ZMYND11: variants seen among roughly 807,000 people sequenced by gnomAD.
ZMYND11 encodes the protein zinc finger MYND-type containing 11, also known as zinc finger MYND domain-containing protein 11.
ZMYND11 carries 9 observed loss-of-function variants against 84.9 expected under a neutral mutation model. The observed-to-expected ratio is 0.11, with a 90% confidence interval of 0.06 to 0.18. The LOEUF is 0.18. ZMYND11 is among the 10% of genes least tolerant of loss of function. ZMYND11 has a pLI of 1.00. For synonymous variants in ZMYND11, 250 were observed against 244.1 expected (o/e 1.02, Z -0.23); for missense variants, 409 against 761.0 (o/e 0.54, Z 5.44).
intron 2 of ZMYND11, among the ~76,000 whole-genome samples, chr10:180,404 G>T (rs867290770): frequency 1.3e-5 from 2 of 151,950 alleles, no homozygotes; most frequent in African/African-American, 4.8e-5. Context: ...TCTATTTATT[G>T]ATTTATTTAT....
intron 1 of ZMYND11, 123 bp from the exon 2 acceptor site, chr10:179,871 G>C: frequency 4.0e-6 from 2 of 499,918 alleles, no homozygotes; most frequent in Non-Finnish European, 7.0e-6. Flanking sequence ...AAAATAGAAA[G>C]TGGGCAATAC....
chr10:154,251 T>C (rs1324357530), intron 1 of ZMYND11, among the ~76,000 whole-genome samples: 3 of 152,220 alleles, frequency 2.0e-5, no homozygotes, highest in South Asian at 2.1e-4. Context: ...CCAGTAGCAC[T>C]ATAATTCATA....
intron 1 of ZMYND11, among the ~76,000 whole-genome samples, chr10:152,157 C>G (rs1478686253): frequency 6.6e-6 from 1 of 152,192 alleles, no homozygotes; most frequent in African/African-American, 2.4e-5. Context: ...ACTGCATTAA[C>G]TAATAAGCAA....
chr10:152,623 A>G (rs1168663644), intron 1 of ZMYND11, among the ~76,000 whole-genome samples: 1 of 152,196 alleles, frequency 6.6e-6, no homozygotes, highest in Non-Finnish European at 1.5e-5. Context: ...GGAGACTTTA[A>G]CACCCCAGTG....
chr10:251,487 C>T (rs901210150), intron 14 of ZMYND11, among the ~76,000 whole-genome samples: 2 of 152,178 alleles, frequency 1.3e-5, no homozygotes, highest in Non-Finnish European at 1.5e-5. Context: ...GGTTCTTCCT[C>T]CAGGGCTCTC....
chr10:185,672 G>A (rs1039639246), intron 2 of ZMYND11, among the ~76,000 whole-genome samples: 1 of 151,376 alleles, frequency 6.6e-6, no homozygotes, highest in African/African-American at 2.4e-5. Flanking sequence ...AAAATTAGCT[G>A]GGCTTGGTGG....
intron 6 of ZMYND11, among the ~76,000 whole-genome samples, chr10:239,231 C>T (rs1342978130): frequency 2.0e-5 from 3 of 152,214 alleles, no homozygotes; most frequent in Non-Finnish European, 2.9e-5. Context: ...TGCGGGATAT[C>T]TGACCTGCCA....
intron 4 of ZMYND11, among the ~76,000 whole-genome samples, chr10:227,505 TTGAGCCATTTGTAC>T (rs77684337): frequency 0.25 from 37,788 of 152,032 alleles, 5,803 homozygotes; most frequent in Non-Finnish European, 0.35. Context: ...TAGGTTATGT[TTGAGCCATTTGTAC>T]TGTAACTTTT....
At chr10:247,246 C>G in intron 11 of ZMYND11, 152 bp from the exon 12 acceptor site, 1 of 922,036 alleles carries the variant, frequency 1.1e-6, no homozygotes, top group African/African-American at 1.7e-5. Context: ...GTTACCAGAA[C>G]AGTAAATTAA....
At chr10:145,228 A>ATATATGTGTG (rs1838514206) in intron 1 of ZMYND11, among the ~76,000 whole-genome samples, 1 of 87,110 alleles carries the variant, frequency 1.1e-5, no homozygotes, top group Admixed American at 1.3e-4. Context: ...ATATGTGTGT[A>ATATATGTGTG]TATATATGTG....
chr10:238,481 C>T (rs953675147), intron 6 of ZMYND11, among the ~76,000 whole-genome samples: 3 of 152,056 alleles, frequency 2.0e-5, no homozygotes, highest in African/African-American at 4.8e-5. Context: ...CTCAGCCTCC[C>T]GAGTAGCTGG....
intron 3 of ZMYND11, among the ~76,000 whole-genome samples, chr10:215,233 C>A (rs1181169066): frequency 6.6e-6 from 1 of 152,144 alleles, no homozygotes; most frequent in South Asian, 2.1e-4. Flanking sequence ...TCTCCCTTTA[C>A]TTACCTACCA....
intron 10 of ZMYND11, among the ~76,000 whole-genome samples, chr10:245,576 A>C (rs1231706167): frequency 3.9e-5 from 6 of 152,198 alleles, no homozygotes; most frequent in Non-Finnish European, 5.9e-5. Context: ...ACCGTAGAAA[A>C]TGTCTGTTAC....
At chr10:199,966 G>A (rs1328881770) in intron 2 of ZMYND11, among the ~76,000 whole-genome samples, 4 of 151,892 alleles carry the variant, frequency 2.6e-5, no homozygotes. Flanking sequence ...CTGGGCTCAA[G>A]CAATCCTCCC....
chr10:219,956 A>G (rs1946853425), intron 3 of ZMYND11, among the ~76,000 whole-genome samples: 2 of 152,148 alleles, frequency 1.3e-5, no homozygotes, highest in African/African-American at 2.4e-5. Context: ...TGTGGTTTGG[A>G]AGACATGAAT....
At chr10:177,264 C>CT (rs1320788868) in intron 1 of ZMYND11, among the ~76,000 whole-genome samples, 1 of 152,034 alleles carries the variant, frequency 6.6e-6, no homozygotes, top group African/African-American at 2.4e-5. Flanking sequence ...TTTTTGGTAC[C>CT]TTTGTAATAT....
intron 14 of ZMYND11, chr10:249,729 T>G: frequency 1.0e-6 from 1 of 985,392 alleles, no homozygotes; most frequent in Non-Finnish European, 1.2e-6. Context: ...AAAGTTTTGC[T>G]CCCGAAAGCT....
At position 242,154 on chromosome 10, in the gene ZMYND11, C is replaced by T. The variant is rs749937237; in HGVS notation, c.950+15C>T. On this transcript the variant is annotated intron_variant, in intron 10 of 14. Coordinates refer to ENST00000381604, the MANE Select transcript of ZMYND11 (RefSeq NM_001370100.5). ...CACCACCAGAGGTAATTTGTGATCCCATGTTCAGCGGTCACAGCTGTGCTT... is the reference window on the plus strand; with the variant it reads ...CACCACCAGAGGTAATTTGTGATCCTATGTTCAGCGGTCACAGCTGTGCTT... The T allele has an allele frequency of 3.1e-6, 5 of 1,613,612 alleles. No individual in the cohort carries two copies. Among genetic ancestry groups the T allele is most frequent in the Non-Finnish European group, 4.2e-6 (5 of 1,179,844 alleles).
In ZMYND11 at chr10:249,042, C is replaced by T. The variant is rs752380132; in HGVS notation, c.1640C>T (p.Ala547Val). The change falls in exon 14 of 15, where the codon GCA becomes GTA. Residue 547 changes from alanine (A) to valine (V), a missense_variant. By Grantham distance (64) the Ala-to-Val change is moderately conservative. Around this residue, in one of 7 missense-constraint regions of ZMYND11, gnomAD observed 141 missense variants for 173.8 expected, o/e 0.81. Coordinates refer to ENST00000381604, the MANE Select transcript of ZMYND11 (RefSeq NM_001370100.5). ...EEFVEEIKKL[A>V]TQHKQLISQT... is the part of the protein sequence containing the mutation. ...TTTGTAGAAGAAATCAAGAAGCTGG[C>T]AACACAGCACAAGCAACTGATTTCT... 1 of 1,614,174 alleles carries T rather than the reference C, an allele frequency of 6.2e-7. No individual in the cohort carries two copies. The highest frequency in any genetic ancestry group is 1.3e-5 in the African/African-American group (1 of 75,050).
Sources: gnomAD v4.1 joint callset for allele counts (sites outside exome capture counted in the v4.1 genomes callset) on GRCh38, gnomAD v4.1.1 for gene constraint, gnomAD v4.1.1 regional missense constraint, MANE v1.5 for transcripts, NCBI Gene and HGNC (gene_info 2026-07-23, HGNC 2026-07-21) for gene names.